VIPAS39: variants seen among roughly 807,000 people sequenced by gnomAD.
VIPAS39 encodes the protein spermatogenesis-defective protein 39 homolog.
VIPAS39 carries 63 observed loss-of-function variants against 84.7 expected under a neutral mutation model. The observed-to-expected ratio is 0.74, with a 90% CI of 0.61 to 0.92. The LOEUF is 0.92. Among genes scored for constraint, VIPAS39 ranks in the 40% least tolerant of loss-of-function variants. VIPAS39 has a pLI of 0.00. For missense variants in VIPAS39, 499 were observed against 604.5 expected (o/e 0.83, Z 1.83); for synonymous variants, 192 against 216.5 (o/e 0.89, Z 0.99).
At chr14:77,434,716 C>G (rs942510231) in intron 14 of VIPAS39, among the ~76,000 whole-genome samples, 18 of 151,710 alleles carry the variant, frequency 1.2e-4, no homozygotes, top group African/African-American at 4.1e-4. Context: ...CATGGTGAAA[C>G]CCTGTCTCTA....
intron 18 of VIPAS39, among the ~76,000 whole-genome samples, 196 bp downstream of exon 18, chr14:77,428,810 C>A (rs1264961285): frequency 4.6e-5 from 7 of 152,160 alleles, no homozygotes; most frequent in African/African-American, 1.7e-4. Flanking sequence ...TTTATAAAAA[C>A]ACAGAGAAAG....
intron 7 of VIPAS39, among the ~76,000 whole-genome samples, chr14:77,447,105 A>G (rs2078803084): frequency 1.3e-5 from 2 of 150,970 alleles, no homozygotes; most frequent in African/African-American, 2.4e-5. Flanking sequence ...GCAATTGCAC[A>G]ATCTCGGCCA....
chr14:77,454,304 T>C (rs1017064563), intron 1 of VIPAS39, among the ~76,000 whole-genome samples: 1 of 152,180 alleles, frequency 6.6e-6, no homozygotes, highest in Non-Finnish European at 1.5e-5. Context: ...ATCTTCTAAT[T>C]ACCCATAAGT....
chr14:77,453,922 G>T, intron 2 of VIPAS39, 88 bp downstream of exon 2: 1 of 1,274,654 alleles, frequency 7.8e-7, no homozygotes, highest in Non-Finnish European at 1.1e-6. Flanking sequence ...GACATACATG[G>T]TCAAAAGCCT....
At chr14:77,438,032 G>A (rs1199294572) in intron 11 of VIPAS39, 151 bp from the exon 12 acceptor site, 9 of 718,148 alleles carry the variant, frequency 1.3e-5, no homozygotes, top group Non-Finnish European at 2.2e-5. Context: ...TAGGCAAAGA[G>A]TGACTAAGTA....
intron 17 of VIPAS39, 32 bp from the exon 18 acceptor site, chr14:77,429,127 C>G: frequency 1.3e-6 from 2 of 1,588,404 alleles, no homozygotes. Context: ...ATTAATGATT[C>G]AAACACCCAT....
chr14:77,447,325 G>A (rs1261610912), intron 7 of VIPAS39, among the ~76,000 whole-genome samples: 2 of 146,072 alleles, frequency 1.4e-5, no homozygotes, highest in South Asian at 2.2e-4. Context: ...GTGCCCGGCC[G>A]CACACCTGGC....
At chr14:77,457,184 T>C (rs1180723072) in intron 1 of VIPAS39, 47 of 1,477,716 alleles carry the variant, frequency 3.2e-5, no homozygotes, top group Non-Finnish European at 4.0e-5. Flanking sequence ...AGAGTTAAGC[T>C]AGGATGACTC....
intron 17 of VIPAS39, among the ~76,000 whole-genome samples, 160 bp downstream of exon 17, chr14:77,429,521 T>C (rs2078486281): frequency 6.6e-6 from 1 of 152,182 alleles, no homozygotes. Flanking sequence ...GGGAGAGAAT[T>C]TCACTCCCTG....
chr14:77,453,708 T>G (rs1165829421), intron 2 of VIPAS39, among the ~76,000 whole-genome samples: 2 of 152,122 alleles, frequency 1.3e-5, no homozygotes, highest in Non-Finnish European at 2.9e-5. Flanking sequence ...GATTCCTCAA[T>G]TGCAAAATAG....
At chr14:77,429,657 C>T (rs374527121) in intron 17 of VIPAS39, 24 bp downstream of exon 17, 1 of 1,611,334 alleles carries the variant, frequency 6.2e-7, no homozygotes, top group Non-Finnish European at 8.5e-7. Context: ...TATCCTGTAC[C>T]CAACTCTCTT....
At position 77,428,488 on chromosome 14, in the gene VIPAS39, C is replaced by T; in HGVS notation, c.1357-14G>A. The T allele has an allele frequency of 3.7e-6, 6 of 1,611,618 alleles. No individual in the cohort carries two copies. The South Asian group carries it at 4.4e-5, about 12-fold the overall frequency. Reference sequence around the variant, plus strand: ...GTCCCGGTAGGTCTGTGCATCAAAACAAACAATACAAACCTCCAATCAGCC... The same window carrying T: ...GTCCCGGTAGGTCTGTGCATCAAAATAAACAATACAAACCTCCAATCAGCC... On this transcript the variant is annotated splice_polypyrimidine_tract_variant and intron_variant, in intron 18 of 19. Transcript: ENST00000557658.
rs1448709040 is a variant in VIPAS39 at position 77,457,591 on chromosome 14, C to A, written c.-97G>T. The A allele has an allele frequency of 2.8e-5, 16 of 565,264 alleles. No homozygotes were observed. Among genetic ancestry groups the A allele is most frequent in the Non-Finnish European group, 5.0e-5 (16 of 318,394 alleles). 35.0% of individuals were successfully genotyped at this position (565,264 alleles called of 1,614,324 possible). A position where few individuals can be genotyped will look rare whatever the true frequency, so the allele number is the denominator to read the frequency against. On this transcript the variant is annotated 5_prime_UTR_variant, in exon 1 of 20. Transcript: ENST00000557658. ...AGGCTGTGCAGCTTAGAGAAGGGGG[C>A]GGAAGGGAATAATCGTAGGGCGGAG...
intron 16 of VIPAS39, among the ~76,000 whole-genome samples, chr14:77,433,180 T>A (rs1566723381): frequency 1.3e-5 from 2 of 152,128 alleles, no homozygotes; most frequent in South Asian, 4.1e-4. Flanking sequence ...TAATGTTAAA[T>A]TTTTTTAGTG....
intron 16 of VIPAS39, among the ~76,000 whole-genome samples, chr14:77,432,143 A>C (rs1302334356): frequency 6.6e-6 from 1 of 152,176 alleles, no homozygotes; most frequent in Non-Finnish European, 1.5e-5. Context: ...GAGATGATAG[A>C]TATGTTAATT....
intron 7 of VIPAS39, among the ~76,000 whole-genome samples, chr14:77,444,944 T>G (rs2078763924): frequency 6.7e-6 from 1 of 149,138 alleles, no homozygotes; most frequent in Non-Finnish European, 1.5e-5. Context: ...CATACCCTAT[T>G]TAAGTATATA....
chr14:77,443,725 T>C (rs2078739147), intron 8 of VIPAS39, among the ~76,000 whole-genome samples: 2 of 151,810 alleles, frequency 1.3e-5, no homozygotes, highest in South Asian at 4.2e-4. Context: ...TGAAACCCCA[T>C]ATCTACTAAA....
At chr14:77,457,117 A>G (rs2078971913) in intron 1 of VIPAS39, 4 of 1,414,902 alleles carry the variant, frequency 2.8e-6, no homozygotes, top group Non-Finnish European at 3.7e-6. Flanking sequence ...CTTGGTTTCA[A>G]TTATCTTCCG....
intron 19 of VIPAS39, 65 bp from the exon 20 acceptor site, chr14:77,427,701 G>GA: frequency 6.2e-7 from 1 of 1,600,176 alleles, no homozygotes; most frequent in Non-Finnish European, 8.6e-7. Flanking sequence ...GCAAGGCAGA[G>GA]AAAATGCAAC....
Sources: allele counts gnomAD v4.1 joint callset (sites outside exome capture counted in the v4.1 genomes callset), GRCh38; gene constraint gnomAD v4.1.1; transcripts MANE v1.5; gene names NCBI Gene and HGNC (gene_info 2026-07-23, HGNC 2026-07-21).